The following CCDC102B variants were observed in gnomAD, a reference collection of about 807,000 sequenced individuals.
CCDC102B encodes the protein coiled-coil domain containing 102B.
A neutral mutation model predicts 57.4 loss-of-function variants in CCDC102B; 75 were observed. The ratio of observed to expected loss-of-function variants is 1.31; its 90% CI spans 1.08 to 1.58. CCDC102B has a LOEUF of 1.58. Among genes scored for constraint, CCDC102B ranks in the 40% most tolerant of loss-of-function variants. CCDC102B has a pLI of 0.00. For missense variants in CCDC102B, 636 were observed against 582.6 expected, an observed-to-expected ratio of 1.09 and a Z score of -0.94; for synonymous variants, 206 against 201.9, an observed-to-expected ratio of 1.02 and a Z score of -0.17.
At chr18:68,750,012 A>C (rs947606208) in intron 2 of CCDC102B, among the ~76,000 whole-genome samples, 1 of 152,200 alleles carries the variant, frequency 6.6e-6, no homozygotes, top group Non-Finnish European at 1.5e-5. Context: ...AATGGGAAAA[A>C]AATTTTGCAA....
chr18:68,842,136 A>G (rs1047567119), intron 3 of CCDC102B, among the ~76,000 whole-genome samples: 9 of 152,052 alleles, frequency 5.9e-5, no homozygotes, highest in Non-Finnish European at 1.2e-4. Flanking sequence ...CCAGGTTAGA[A>G]GCTTCAGCAA....
intron 6 of CCDC102B, among the ~76,000 whole-genome samples, chr18:68,992,367 T>G (rs1031929011): frequency 6.6e-6 from 1 of 152,170 alleles, no homozygotes; most frequent in Non-Finnish European, 1.5e-5. Flanking sequence ...GAGTCATCTC[T>G]TAAGTGATCT....
In CCDC102B at chr18:68,930,614, T is replaced by C. The variant is rs2041637232; in HGVS notation, c.1263+33186T>C. ...GCTCTGGCCTTCTGCTCTATCTCTGTTGGGGAATAACTACTATACTCTTCA... is the reference window on the plus strand; with the variant it reads ...GCTCTGGCCTTCTGCTCTATCTCTGCTGGGGAATAACTACTATACTCTTCA... On this transcript the variant is annotated intron_variant, in intron 6 of 7. Transcript: ENST00000360242. 2.0e-5 allele frequency among the ~76,000 whole-genome samples: 3 copies of C among 151,838 alleles called. No homozygotes were observed. The South Asian group carries it at 6.2e-4, about 31-fold the overall frequency.
chr18:68,784,862 A>T (rs2035138516), intron 2 of CCDC102B, among the ~76,000 whole-genome samples: 1 of 151,686 alleles, frequency 6.6e-6, no homozygotes, highest in Admixed American at 6.6e-5. Flanking sequence ...GTTTTAGTGT[A>T]CTTGTGCACA....
chr18:69,049,433 G>A (rs1418860147), intron 7 of CCDC102B, among the ~76,000 whole-genome samples: 3 of 151,828 alleles, frequency 2.0e-5, no homozygotes, highest in Non-Finnish European at 4.4e-5. Context: ...TTATTCTCTA[G>A]TGCTAAGGAT....
chr18:68,867,687 C>A (rs1407904794), intron 4 of CCDC102B, among the ~76,000 whole-genome samples: 2 of 152,126 alleles, frequency 1.3e-5, no homozygotes, highest in East Asian at 3.9e-4. Context: ...GTAATCCCAG[C>A]ACTTTGGGAG....
intron 2 of CCDC102B, among the ~76,000 whole-genome samples, chr18:68,755,309 T>C (rs1437733199): frequency 1.3e-5 from 2 of 152,146 alleles, no homozygotes; most frequent in African/African-American, 2.4e-5. Context: ...TTCATCATTA[T>C]TTAGCTCAGC....
intron 2 of CCDC102B, among the ~76,000 whole-genome samples, chr18:68,765,351 AAGAAAG>A (rs1258821540): frequency 6.9e-6 from 1 of 145,794 alleles, no homozygotes; most frequent in African/African-American, 2.6e-5. Context: ...GAAAGAAAGA[AAGAAAG>A]AAAGAAAGAA....
chr18:68,771,171 G>A (rs2034626080), intron 2 of CCDC102B, among the ~76,000 whole-genome samples: 2 of 152,152 alleles, frequency 1.3e-5, no homozygotes, highest in African/African-American at 2.4e-5. Flanking sequence ...ATGGCTGCAT[G>A]GTGGTGTTTA....
chr18:69,040,404 GTGTGTGTGTGTGTGTA>G (rs756178228), intron 7 of CCDC102B, among the ~76,000 whole-genome samples: 1,042 of 29,882 alleles, frequency 0.035, 3 homozygotes, highest in South Asian at 0.084. Context: ...GTGTGTGTGT[GTGTGTGTGTGTGTGTA>G]TGTGTGTGTG....
chr18:68,719,058 A>C (rs906992301), intron 2 of CCDC102B, among the ~76,000 whole-genome samples: 3 of 152,230 alleles, frequency 2.0e-5, no homozygotes, highest in African/African-American at 2.4e-5. Context: ...ATGAAAATAC[A>C]TAAGAAAACT....
chr18:68,862,671 A>G (rs1288058304), intron 4 of CCDC102B, among the ~76,000 whole-genome samples: 4 of 152,130 alleles, frequency 2.6e-5, no homozygotes, highest in Admixed American at 2.6e-4. Context: ...AATTACTAAC[A>G]GGCAAAAAAG....
chr18:68,901,174 T>C (rs577308299), intron 6 of CCDC102B, among the ~76,000 whole-genome samples: 1 of 152,198 alleles, frequency 6.6e-6, no homozygotes, highest in Admixed American at 6.5e-5. Flanking sequence ...TATAAGTTAC[T>C]TGATGTGCGT....
At chr18:69,035,556 A>G (rs2052267913) in intron 7 of CCDC102B, among the ~76,000 whole-genome samples, 1 of 152,126 alleles carries the variant, frequency 6.6e-6, no homozygotes, top group Non-Finnish European at 1.5e-5. Flanking sequence ...CTGACATTGA[A>G]ATACATGTAG....
chr18:68,735,500 T>A (rs1285000978), intron 2 of CCDC102B, among the ~76,000 whole-genome samples: 1 of 152,242 alleles, frequency 6.6e-6, no homozygotes, highest in Admixed American at 6.5e-5. Context: ...GATCCTTGCT[T>A]CTTTGCAGGT....
At chr18:68,965,163 C>T (rs2050136645) in intron 6 of CCDC102B, among the ~76,000 whole-genome samples, 1 of 151,846 alleles carries the variant, frequency 6.6e-6, no homozygotes, top group Non-Finnish European at 1.5e-5. Context: ...TCTTCTATTC[C>T]TATCCTTCTA....
At position 68,730,809 on chromosome 18, in the gene CCDC102B, A is replaced by G. The variant is rs989153408; in HGVS notation, c.-67+14215A>G. ...AAAATGTCTTCTACATGATGTATTT[A>G]ATACTGAACTGTATTCCGCATCCTG... On this transcript the variant is annotated intron_variant, in intron 2 of 3. Coordinates refer to the CCDC102B transcript ENST00000578970. 2.0e-5 allele frequency among the ~76,000 whole-genome samples: 3 copies of G among 152,292 alleles called. No homozygotes were observed. The South Asian group carries it at 6.2e-4, about 32-fold the overall frequency.
intron 7 of CCDC102B, among the ~76,000 whole-genome samples, chr18:69,044,416 T>A (rs1412573586): frequency 6.6e-6 from 1 of 152,182 alleles, no homozygotes; most frequent in Non-Finnish European, 1.5e-5. Context: ...TATTGTCTTC[T>A]AAAATGACAA....
At chr18:68,902,547 A>G (rs1349530485) in intron 6 of CCDC102B, among the ~76,000 whole-genome samples, 1 of 152,182 alleles carries the variant, frequency 6.6e-6, no homozygotes, top group Non-Finnish European at 1.5e-5. Context: ...AGTTACAGTA[A>G]GTGACAACAT....
Sources: allele counts gnomAD v4.1 joint callset (sites outside exome capture counted in the v4.1 genomes callset), GRCh38; gene constraint gnomAD v4.1.1; transcripts MANE v1.5; gene names NCBI Gene and HGNC (gene_info 2026-07-23, HGNC 2026-07-21).